Variants in DIAPH2 observed in about 807,000 individuals in gnomAD.
DIAPH2 encodes the protein protein diaphanous homolog 2.
DIAPH2 carries 35 observed loss-of-function variants against 92.7 expected under a neutral mutation model. The ratio of observed to expected loss-of-function variants is 0.38; its 90% CI spans 0.29 to 0.50. The LOEUF (loss-of-function observed/expected upper bound fraction) is 0.50. Ranked by LOEUF, DIAPH2 falls within the 20% of genes least tolerant of loss-of-function variation. The probability of loss-of-function intolerance (pLI) is 0.94; values close to 1 mark genes in which losing one functional copy is unlikely to be tolerated. For missense variants in DIAPH2, 701 were observed against 819.5 expected (o/e 0.86, Z 1.77); for synonymous variants, 301 against 280.4 (o/e 1.07, Z -0.73).
In DIAPH2 at chrX:96,912,421, A is replaced by G; in HGVS notation, c.662+19A>G. 8.3e-7 allele frequency: 1 copy of G among 1,200,844 alleles called. No homozygotes were observed. Among genetic ancestry groups the G allele is most frequent in the Non-Finnish European group, 1.1e-6 (1 of 889,457 alleles). On this transcript the variant is annotated intron_variant, in intron 6 of 26. Transcript: ENST00000324765. The stretch of plus-strand genomic sequence containing the variant: ...AAAAACAGTAAGAATAAACACTGAA[A>G]TTAAAATCACCAAAGGGAAAATGTT...
chrX:97,293,168 ATC>A (rs2147615332), intron 23 of DIAPH2, among the ~76,000 whole-genome samples: 1 of 105,622 alleles, frequency 9.5e-6, no homozygotes, highest in South Asian at 4.2e-4. Flanking sequence ...CCTACTCAAT[ATC>A]TCTCGTGTTT....
chrX:97,093,863 G>C (rs1382440846), intron 19 of DIAPH2, among the ~76,000 whole-genome samples: 1 of 111,704 alleles, frequency 9.0e-6, no homozygotes, highest in Non-Finnish European at 1.9e-5. Flanking sequence ...CCCTTGAATA[G>C]TTTAATTGAA....
At chrX:97,355,088 C>T (rs912216595) in intron 24 of DIAPH2, among the ~76,000 whole-genome samples, 1 of 111,733 alleles carries the variant, frequency 8.9e-6, no homozygotes, top group East Asian at 2.8e-4. Flanking sequence ...TCTGAGAGCT[C>T]CCTGTGTAGC....
At chrX:96,829,783 C>G (rs1267888527) in intron 4 of DIAPH2, among the ~76,000 whole-genome samples, 1 of 111,067 alleles carries the variant, frequency 9.0e-6, no homozygotes, top group Non-Finnish European at 1.9e-5. Flanking sequence ...GCGGGAGCTA[C>G]CATGCCAGGC....
intron 17 of DIAPH2, among the ~76,000 whole-genome samples, chrX:97,045,456 A>G (rs1168554067): frequency 2.7e-5 from 3 of 111,827 alleles, no homozygotes; most frequent in Non-Finnish European, 5.6e-5. Context: ...TGGTATTCAC[A>G]TAATACATCG....
intron 25 of DIAPH2, among the ~76,000 whole-genome samples, chrX:97,415,078 T>A (rs985142683): frequency 2.7e-5 from 3 of 111,870 alleles, no homozygotes; most frequent in Non-Finnish European, 5.6e-5. Flanking sequence ...AAGACATTTA[T>A]GCAGCCAAAA....
At chrX:97,270,821 C>T (rs1026913556) in intron 23 of DIAPH2, among the ~76,000 whole-genome samples, 8 of 110,263 alleles carry the variant, frequency 7.3e-5, no homozygotes, top group Non-Finnish European at 1.3e-4. Context: ...AAACATCTCC[C>T]ATGCCTCCTG....
At chrX:97,470,577 A>G (rs182975051) in intron 26 of DIAPH2, among the ~76,000 whole-genome samples, 34 of 110,579 alleles carry the variant, frequency 3.1e-4, no homozygotes, top group African/African-American at 1.1e-3. Flanking sequence ...TATAAAATTG[A>G]TATTATTATT....
intron 22 of DIAPH2, among the ~76,000 whole-genome samples, chrX:97,181,821 C>T (rs764234672): frequency 8.9e-6 from 1 of 112,361 alleles, no homozygotes; most frequent in Non-Finnish European, 1.9e-5. Flanking sequence ...AAGTAGGTAA[C>T]CATTTTAGCA....
At position 97,599,493 on chromosome X, in the gene DIAPH2, T is replaced by G. The variant is rs20391; in HGVS notation, c.*176T>G. The G allele has an allele frequency of 2.0e-3, 611 of 311,023 alleles. 4 individuals are homozygous for G. The highest frequency in any genetic ancestry group is 0.015 in the African/African-American group (551 of 36,799). The allele number at this position is 311,023 out of a possible 1,213,427, so 25.6% of individuals were successfully genotyped here. A position where few individuals can be genotyped will look rare whatever the true frequency, so the allele number is the denominator to read the frequency against. ...TACTATTGCAAGACTCCTCCCACAA[T>G]TATTCTAATCTGAACACAGTTATCA... On this transcript the variant is annotated 3_prime_UTR_variant, in exon 27 of 27. Transcript: ENST00000324765.
intron 4 of DIAPH2, among the ~76,000 whole-genome samples, chrX:96,856,493 G>A (rs2065040789): frequency 9.7e-6 from 1 of 102,572 alleles, no homozygotes; most frequent in South Asian, 4.5e-4. Context: ...TATCTTTAAA[G>A]TTTGTGTTGG....
chrX:97,079,891 A>G (rs1569296133), intron 19 of DIAPH2, among the ~76,000 whole-genome samples: 1 of 111,506 alleles, frequency 9.0e-6, no homozygotes, highest in Non-Finnish European at 1.9e-5. Flanking sequence ...TTCCTTCGAT[A>G]TGTCAGATTA....
chrX:96,826,274 A>G (rs931846797), intron 4 of DIAPH2, among the ~76,000 whole-genome samples: 2 of 110,236 alleles, frequency 1.8e-5, no homozygotes, highest in Non-Finnish European at 3.8e-5. Flanking sequence ...AAAATTAGCC[A>G]GGCGTGGTGG....
chrX:97,130,411 G>A (rs1227934955), intron 21 of DIAPH2, among the ~76,000 whole-genome samples: 2 of 111,653 alleles, frequency 1.8e-5, no homozygotes, highest in African/African-American at 6.5e-5. Flanking sequence ...ATGGAATACT[G>A]TTCAGCCTTT....
intron 23 of DIAPH2, among the ~76,000 whole-genome samples, chrX:97,322,223 C>G (rs1322071382): frequency 8.9e-6 from 1 of 112,349 alleles, no homozygotes; most frequent in East Asian, 2.8e-4. Context: ...AGAAAATATT[C>G]TACATAGTTT....
chrX:97,585,480 A>G (rs1398823457), intron 26 of DIAPH2, among the ~76,000 whole-genome samples: 2 of 109,755 alleles, frequency 1.8e-5, no homozygotes, highest in Non-Finnish European at 3.8e-5. Flanking sequence ...GCCATGTGTT[A>G]CCTATGAATT....
intron 5 of DIAPH2, chrX:96,883,950 C>G (rs759937039): frequency 7.5e-4 from 111 of 148,328 alleles, no homozygotes; most frequent in African/African-American, 3.3e-3. Flanking sequence ...GAAAGGCTTG[C>G]TTGAAATTAC....
intron 21 of DIAPH2, among the ~76,000 whole-genome samples, chrX:97,116,568 G>A (rs1447678914): frequency 1.8e-5 from 2 of 111,487 alleles, no homozygotes; most frequent in African/African-American, 6.5e-5. Flanking sequence ...TCTCTACCAT[G>A]GTGCTACTTG....
At chrX:97,161,918 C>T (rs141191258) in intron 22 of DIAPH2, among the ~76,000 whole-genome samples, 2,164 of 111,521 alleles carry the variant, frequency 0.019, 53 homozygotes, top group African/African-American at 0.067. Flanking sequence ...ACTTCTGTAA[C>T]ATTATAGTCT....
Sources: gnomAD v4.1 joint callset for allele counts (sites outside exome capture counted in the v4.1 genomes callset) on GRCh38, gnomAD v4.1.1 for gene constraint, MANE v1.5 for transcripts, NCBI Gene and HGNC (gene_info 2026-07-23, HGNC 2026-07-21) for gene names.